Variants in AKT3 observed in about 807,000 individuals in gnomAD.
AKT3 encodes RAC-gamma serine/threonine-protein kinase.
A neutral mutation model predicts 65.3 loss-of-function variants in AKT3; 15 were observed. That is an observed-to-expected ratio of 0.23 (90% CI 0.15 to 0.35). AKT3 has a LOEUF of 0.35. AKT3 is among the 10% of genes least tolerant of loss of function. The probability of loss-of-function intolerance (pLI) is 1.00; values close to 1 mark genes in which losing one functional copy is unlikely to be tolerated. For synonymous variants in AKT3, 206 were observed against 183.8 expected (o/e 1.12, Z -0.98); for missense variants, 243 against 576.5 (o/e 0.42, Z 5.92).
At chr1:243,611,880 T>A (rs754373286) in intron 8 of AKT3, among the ~76,000 whole-genome samples, 129 of 152,278 alleles carry the variant, frequency 8.5e-4, no homozygotes, top group Non-Finnish European at 1.6e-3. Context: ...ATTCCCTGGG[T>A]GAAATCTCAT....
chr1:243,516,073 T>C lies in AKT3; in HGVS notation c.1252-3647A>G, dbSNP rs146155456. On this transcript the variant is annotated intron_variant, in intron 12 of 13. Coordinates refer to ENST00000673466, the MANE Select transcript of AKT3 (RefSeq NM_005465.7). Reference sequence around the variant, plus strand: ...TTCTCTCATCTTCAATTTTCTGGAATAATTTGTATAGAACTGATAATATTC... The same window carrying C: ...TTCTCTCATCTTCAATTTTCTGGAACAATTTGTATAGAACTGATAATATTC... Among the ~76,000 whole-genome samples, 635 of 152,328 alleles carry C rather than the reference T, an allele frequency of 4.2e-3. 4 individuals are homozygous for C. The highest frequency in any genetic ancestry group is 0.014 in the African/African-American group (593 of 41,576).
intron 4 of AKT3, among the ~76,000 whole-genome samples, chr1:243,664,230 T>G (rs960384229): frequency 7.1e-5 from 9 of 126,658 alleles, no homozygotes; most frequent in African/African-American, 2.3e-4. Context: ...AGAGTCTCGC[T>G]CTGTCGCCCA....
intron 2 of AKT3, among the ~76,000 whole-genome samples, chr1:243,711,424 TA>T (rs1239376982): frequency 6.6e-6 from 1 of 152,216 alleles, no homozygotes; most frequent in Admixed American, 6.5e-5. Flanking sequence ...CTGTTTTCTT[TA>T]TATTTTCTTT....
At chr1:243,521,495 A>G (rs926777495) in intron 12 of AKT3, among the ~76,000 whole-genome samples, 4 of 152,348 alleles carry the variant, frequency 2.6e-5, no homozygotes, top group Admixed American at 2.6e-4. Context: ...ACTAATGGGT[A>G]TGTGGCATAC....
intron 2 of AKT3, among the ~76,000 whole-genome samples, chr1:243,837,271 A>C (rs1373678105): frequency 6.6e-6 from 1 of 152,218 alleles, no homozygotes; most frequent in Non-Finnish European, 1.5e-5. Context: ...CAAAAATGAC[A>C]CAAGAGGAAA....
chr1:243,789,161 T>C lies in AKT3; in HGVS notation c.46+53964A>G, dbSNP rs182520495. On this transcript the variant is annotated intron_variant, in intron 2 of 13. Transcript: ENST00000673466. ...GGGAGGCCAAAGCAGGAGGATCGCC[T>C]GAAGCGAGGAGTTCGAAAACAGCCT... Among the ~76,000 whole-genome samples the C allele has an allele frequency of 9.8e-5, 15 of 152,330 alleles. No individual in the cohort carries two copies. The East Asian group carries it at 1.7e-3, about 18-fold the overall frequency.
chr1:243,522,925 A>G (rs1019111139), intron 12 of AKT3, among the ~76,000 whole-genome samples: 1 of 152,182 alleles, frequency 6.6e-6, no homozygotes, highest in African/African-American at 2.4e-5. Flanking sequence ...TAGCACTGAC[A>G]GCCACAGCCA....
chr1:243,507,792 A>G (rs998167373), intron 13 of AKT3, among the ~76,000 whole-genome samples: 3 of 152,234 alleles, frequency 2.0e-5, no homozygotes, highest in Non-Finnish European at 1.5e-5. Context: ...ATATGGCAGT[A>G]AAAGCGACCA....
intron 8 of AKT3, among the ~76,000 whole-genome samples, chr1:243,600,467 T>C (rs1407827047): frequency 3.3e-5 from 5 of 152,160 alleles, no homozygotes; most frequent in African/African-American, 7.2e-5. Flanking sequence ...AGGATAGATA[T>C]AGACCAATAC....
At chr1:243,630,204 G>A (rs1679501717) in intron 6 of AKT3, among the ~76,000 whole-genome samples, 1 of 152,168 alleles carries the variant, frequency 6.6e-6, no homozygotes, top group South Asian at 2.1e-4. Flanking sequence ...TAGCCCATAC[G>A]CCATACTTTA....
intron 8 of AKT3, among the ~76,000 whole-genome samples, chr1:243,603,186 GA>G (rs1035944959): frequency 1.3e-5 from 2 of 152,150 alleles, no homozygotes; most frequent in Admixed American, 6.5e-5. Context: ...ATGCCCCACT[GA>G]AATTGCACTG....
At chr1:243,506,281 G>T (rs1406786193) in intron 13 of AKT3, among the ~76,000 whole-genome samples, 1 of 152,234 alleles carries the variant, frequency 6.6e-6, no homozygotes, top group South Asian at 2.1e-4. Context: ...CTCTAAGCTT[G>T]TTTAATCATA....
intron 2 of AKT3, among the ~76,000 whole-genome samples, chr1:243,835,815 A>T (rs1328141841): frequency 6.6e-6 from 1 of 152,188 alleles, no homozygotes; most frequent in Non-Finnish European, 1.5e-5. Flanking sequence ...GAAAGTATGA[A>T]GAGAGGTATT....
intron 3 of AKT3, among the ~76,000 whole-genome samples, chr1:243,677,234 A>T (rs1393218647): frequency 1.3e-5 from 2 of 152,106 alleles, no homozygotes; most frequent in Non-Finnish European, 2.9e-5. Flanking sequence ...GTCACTCAAG[A>T]TCTTCTCTTA....
intron 6 of AKT3, among the ~76,000 whole-genome samples, chr1:243,633,228 T>C (rs1679737145): frequency 6.6e-6 from 1 of 152,148 alleles, no homozygotes; most frequent in Non-Finnish European, 1.5e-5. Flanking sequence ...GCACTGGACC[T>C]GTCATACAAG....
intron 2 of AKT3, among the ~76,000 whole-genome samples, chr1:243,783,269 G>A (rs1047458988): frequency 1.3e-5 from 2 of 152,184 alleles, no homozygotes; most frequent in Non-Finnish European, 2.9e-5. Flanking sequence ...CCTCTGGGAA[G>A]GAAAGAGGAG....
chr1:243,766,264 T>C (rs1689812453), intron 2 of AKT3, among the ~76,000 whole-genome samples: 1 of 152,164 alleles, frequency 6.6e-6, no homozygotes, highest in South Asian at 2.1e-4. Context: ...TCATATTCAA[T>C]AAACATTTAC....
chr1:243,758,338 T>C lies in AKT3; in HGVS notation c.47-62622A>G, dbSNP rs1689271236. On this transcript the variant is annotated intron_variant, in intron 2 of 13. Coordinates refer to ENST00000673466, the MANE Select transcript of AKT3 (RefSeq NM_005465.7). ...GAAGTCTCATTGAGACGGCAACTTTTAAGGAAAATTAAAACGATGTGAGGA... is the reference window on the plus strand; with the variant it reads ...GAAGTCTCATTGAGACGGCAACTTTCAAGGAAAATTAAAACGATGTGAGGA... 8.5e-5 allele frequency among the ~76,000 whole-genome samples: 13 copies of C among 152,316 alleles called. No homozygotes were observed. The South Asian group carries it at 2.7e-3, about 32-fold the overall frequency.
chr1:243,836,884 C>G (rs1331207720), intron 2 of AKT3, among the ~76,000 whole-genome samples: 1 of 140,886 alleles, frequency 7.1e-6, no homozygotes, highest in African/African-American at 2.7e-5. Context: ...TGCACTCCAG[C>G]TTGGTGACAG....
Sources: gnomAD v4.1 joint callset for allele counts (sites outside exome capture counted in the v4.1 genomes callset) on GRCh38, gnomAD v4.1.1 for gene constraint, MANE v1.5 for transcripts, NCBI Gene and HGNC (gene_info 2026-07-23, HGNC 2026-07-21) for gene names.